SPATA31F1: variants seen among roughly 807,000 people sequenced by gnomAD.
SPATA31F1 encodes the protein protein SPATA31F1.
the SPATA31F1 span, chr9:34,728,206 C>CT: frequency 2.4e-5 from 19 of 793,502 alleles, no homozygotes; most frequent in East Asian, 4.9e-4. Context: ...AGTCCGTACT[C>CT]TAAGGCATGT....
the SPATA31F1 span, chr9:34,725,139 C>T: frequency 8.3e-5 from 129 of 1,545,908 alleles, no homozygotes; most frequent in Non-Finnish European, 1.0e-4. Context: ...ATTCTGCAGT[C>T]CCAGGACCTG....
the SPATA31F1 span, chr9:34,724,626 C>T: frequency 6.5e-7 from 1 of 1,531,194 alleles, no homozygotes; most frequent in East Asian, 2.5e-5. Flanking sequence ...GTCTGGCTTT[C>T]TAGAGGCAGC....
the SPATA31F1 span, chr9:34,728,183 T>A: frequency 9.2e-7 from 1 of 1,086,846 alleles, no homozygotes; most frequent in Non-Finnish European, 1.3e-6. Flanking sequence ...AAGAAAAGAC[T>A]ACAATCCTGA....
At chr9:34,727,903 CCACTGT>C in the SPATA31F1 span, 1 of 908,892 alleles carries the variant, frequency 1.1e-6, no homozygotes, top group African/African-American at 1.7e-5. Flanking sequence ...GTCCCTGCTT[CCACTGT>C]GTATGTCTCC....
the SPATA31F1 span, among the ~76,000 whole-genome samples, chr9:34,727,381 A>C: frequency 1.3e-5 from 2 of 152,364 alleles, no homozygotes; most frequent in Admixed American, 1.3e-4. Flanking sequence ...TAAGAAATCC[A>C]AAGCCTGTAT....
At chr9:34,723,692 C>T in the SPATA31F1 span, 2 of 1,551,582 alleles carry the variant, frequency 1.3e-6, no homozygotes, top group Admixed American at 3.9e-5. Flanking sequence ...CAAAGTTTGG[C>T]CCTGCAAAGG....
the SPATA31F1 span, chr9:34,728,659 G>C: frequency 1.3e-6 from 2 of 1,551,396 alleles, no homozygotes; most frequent in Admixed American, 3.9e-5. Context: ...GTGACACTTA[G>C]AAGACAAAAA....
the SPATA31F1 span, chr9:34,723,756 A>T: frequency 5.2e-6 from 8 of 1,551,590 alleles, no homozygotes; most frequent in Admixed American, 9.8e-5. Flanking sequence ...GCCTGGGGCA[A>T]CACAGTCTGG....
chr9:34,729,163 C>T, the SPATA31F1 span: 2 of 1,213,210 alleles, frequency 1.6e-6, no homozygotes, highest in South Asian at 1.7e-5. Context: ...AAAAGTATTA[C>T]ACAAAGGTAA....
At chr9:34,723,767 G>C in the SPATA31F1 span, 1 of 1,551,604 alleles carries the variant, frequency 6.4e-7, no homozygotes, top group Non-Finnish European at 8.7e-7. Flanking sequence ...CACAGTCTGG[G>C]CATTCTCAGG....
the SPATA31F1 span, chr9:34,724,698 T>C: frequency 6.5e-7 from 1 of 1,549,236 alleles, no homozygotes; most frequent in South Asian, 1.2e-5. Context: ...TCTGTACAAC[T>C]CTCATTGTTG....
At chr9:34,727,022 A>C in the SPATA31F1 span, 1 of 1,532,284 alleles carries the variant, frequency 6.5e-7, no homozygotes, top group Non-Finnish European at 8.8e-7. Flanking sequence ...TTAACGATGG[A>C]GTGACATCTG....
the SPATA31F1 span, chr9:34,725,853 G>A: frequency 6.4e-7 from 1 of 1,551,888 alleles, no homozygotes; most frequent in Non-Finnish European, 8.7e-7. Context: ...TTCAAGGGGG[G>A]CTTGGGCACA....
At chr9:34,728,722 C>A in the SPATA31F1 span, 1 of 1,370,884 alleles carries the variant, frequency 7.3e-7, no homozygotes, top group Non-Finnish European at 1.0e-6. Context: ...CAAAATGAGA[C>A]AAAACTTACA....
the SPATA31F1 span, chr9:34,725,015 G>A: frequency 6.4e-5 from 100 of 1,551,906 alleles, no homozygotes; most frequent in South Asian, 9.5e-5. Context: ...ATCAAGGGCC[G>A]TTGGCATCCA....
the SPATA31F1 span, chr9:34,729,148 A>G: frequency 2.8e-6 from 3 of 1,089,974 alleles, no homozygotes; most frequent in Non-Finnish European, 3.8e-6. Context: ...ATAGTCTCTG[A>G]GAAGAAAAGT....
At chr9:34,727,119 T>G in the SPATA31F1 span, 1 of 1,422,408 alleles carries the variant, frequency 7.0e-7, no homozygotes, top group Non-Finnish European at 9.2e-7. Context: ...GTTGTCTACC[T>G]GTCTGCTTTC....
the SPATA31F1 span, chr9:34,725,696 G>C: frequency 6.5e-7 from 1 of 1,529,442 alleles, no homozygotes; most frequent in Non-Finnish European, 8.8e-7. Flanking sequence ...CTCAGCCAGA[G>C]TCAGAAATGG....
chr9:34,723,249 G>C, the SPATA31F1 span: 3 of 1,551,526 alleles, frequency 1.9e-6, no homozygotes, highest in Non-Finnish European at 8.7e-7. Context: ...GGGTGCCCTG[G>C]TTTGTTGGCA....
Sources: allele counts gnomAD v4.1 joint callset (sites outside exome capture counted in the v4.1 genomes callset), GRCh38; gene constraint gnomAD v4.1.1; transcripts MANE v1.5; gene names NCBI Gene and HGNC (gene_info 2026-07-23, HGNC 2026-07-21).